LRRC3B: variants seen among roughly 807,000 people sequenced by gnomAD.
The protein encoded by LRRC3B is leucine rich repeat containing 3B.
A neutral mutation model predicts 12.8 loss-of-function variants in LRRC3B; 2 were observed. The observed-to-expected ratio is 0.16, with a 90% CI of 0.06 to 0.49. LRRC3B has a LOEUF of 0.49. LRRC3B is among the 20% of genes least tolerant of loss of function. The pLI is 0.96. For missense variants in LRRC3B, 189 were observed against 319.4 expected (o/e 0.59, Z 3.11); for synonymous variants, 132 against 122.0 (o/e 1.08, Z -0.54).
chr3:26,704,554 T>C (rs192760304), intron 1 of LRRC3B, among the ~76,000 whole-genome samples: 15 of 152,252 alleles, frequency 9.9e-5, no homozygotes, highest in African/African-American at 3.1e-4. Flanking sequence ...TCTTTTCTGC[T>C]TTTTTTCTTC....
At chr3:26,707,090 T>A (rs1331060970) in intron 1 of LRRC3B, among the ~76,000 whole-genome samples, 1 of 151,794 alleles carries the variant, frequency 6.6e-6, no homozygotes, top group East Asian at 1.9e-4. Context: ...CAGTGGCTCA[T>A]ACCTGTAATC....
intron 1 of LRRC3B, among the ~76,000 whole-genome samples, chr3:26,671,413 G>GAGAGAGACAGAGAGAGAGACAC (rs9331540): frequency 1.0e-5 from 1 of 99,410 alleles, no homozygotes; most frequent in Non-Finnish European, 1.9e-5. Flanking sequence ...GAGAGAGAGA[G>GAGAGAGACAGAGAGAGAGACAC]ACGAAGTCTT....
intron 1 of LRRC3B, among the ~76,000 whole-genome samples, chr3:26,701,902 C>T (rs928800256): frequency 1.3e-5 from 2 of 152,158 alleles, no homozygotes; most frequent in Non-Finnish European, 2.9e-5. Flanking sequence ...AACTTTTTAA[C>T]TCTACATTCA....
chr3:26,671,474 C>T (rs1699747113), intron 1 of LRRC3B, among the ~76,000 whole-genome samples: 1 of 147,866 alleles, frequency 6.8e-6, no homozygotes, highest in South Asian at 2.2e-4. Flanking sequence ...TCACTGCAAC[C>T]TCTGCCTCCC....
chr3:26,635,810 G>A (rs1460687918), intron 1 of LRRC3B, among the ~76,000 whole-genome samples: 1 of 152,178 alleles, frequency 6.6e-6, no homozygotes, highest in African/African-American at 2.4e-5. Flanking sequence ...TTGGCACTCA[G>A]TAACTGTCTG....
intron 1 of LRRC3B, among the ~76,000 whole-genome samples, chr3:26,631,278 T>C (rs75937506): frequency 0.029 from 4,414 of 152,308 alleles, 126 homozygotes; most frequent in East Asian, 0.13. Context: ...CAATATCACC[T>C]GAAATGAGGG....
chr3:26,636,912 TTC>T lies in LRRC3B; in HGVS notation c.-161+13681_-161+13682del, dbSNP rs1370380419. Reference sequence around the variant, plus strand: ...TTTCTCTCTCTCTCTCTTTCTCTCTTTCTCTCTTTCTTTCTTTCTTTCTTTCT... The same window carrying T: ...TTTCTCTCTCTCTCTCTTTCTCTCTTTCTCTTTCTTTCTTTCTTTCTTTCT... On this transcript the variant is annotated intron_variant, in intron 1 of 1. Coordinates refer to ENST00000396641, the Ensembl canonical transcript of LRRC3B. 3.7e-4 allele frequency among the ~76,000 whole-genome samples: 37 copies of T among 98,900 alleles called. 1 individual carries two copies. Among genetic ancestry groups the T allele is most frequent in the South Asian group, 8.3e-4 (2 of 2,404 alleles). 64.9% of individuals were successfully genotyped at this position (98,900 alleles called of 152,430 possible). A position where few individuals can be genotyped will look rare whatever the true frequency, so the allele number is the denominator to read the frequency against.
At chr3:26,633,241 C>A (rs1018849253) in intron 1 of LRRC3B, among the ~76,000 whole-genome samples, 1 of 152,112 alleles carries the variant, frequency 6.6e-6, no homozygotes, top group East Asian at 1.9e-4. Flanking sequence ...CCAAAGGTAG[C>A]CCGACTAAGT....
chr3:26,688,022 C>T (rs994709467), intron 1 of LRRC3B, among the ~76,000 whole-genome samples: 74 of 152,194 alleles, frequency 4.9e-4, no homozygotes, highest in Admixed American at 4.8e-3. Context: ...CTCATTGAAG[C>T]TTCCATCTTG....
chr3:26,674,772 T>G (rs1449798046), intron 1 of LRRC3B, among the ~76,000 whole-genome samples: 2 of 152,146 alleles, frequency 1.3e-5, no homozygotes, highest in Non-Finnish European at 2.9e-5. Flanking sequence ...ATCCTTGCTC[T>G]CTCCTAATTT....
intron 1 of LRRC3B, among the ~76,000 whole-genome samples, chr3:26,643,330 C>G (rs1249956800): frequency 6.6e-6 from 1 of 151,252 alleles, no homozygotes; most frequent in Non-Finnish European, 1.5e-5. Flanking sequence ...ATATATAAAA[C>G]CATATACACT....
At chr3:26,652,463 GTAAC>G (rs1353833784) in intron 1 of LRRC3B, among the ~76,000 whole-genome samples, 1 of 152,200 alleles carries the variant, frequency 6.6e-6, no homozygotes, top group African/African-American at 2.4e-5. Context: ...GAAGAGCTGG[GTAAC>G]TAAATGCAAG....
At chr3:26,702,489 A>C (rs1008690973) in intron 1 of LRRC3B, among the ~76,000 whole-genome samples, 1 of 151,246 alleles carries the variant, frequency 6.6e-6, no homozygotes, top group Non-Finnish European at 1.5e-5. Flanking sequence ...TTGGTTTCTG[A>C]TAAATCTCAT....
intron 1 of LRRC3B, among the ~76,000 whole-genome samples, chr3:26,645,543 T>C (rs1699124478): frequency 6.6e-6 from 1 of 152,034 alleles, no homozygotes; most frequent in African/African-American, 2.4e-5. Flanking sequence ...TATGTGCATA[T>C]ATCTATATCT....
intron 1 of LRRC3B, among the ~76,000 whole-genome samples, chr3:26,671,558 AT>A: frequency 6.7e-6 from 1 of 149,076 alleles, no homozygotes; most frequent in African/African-American, 2.5e-5. Flanking sequence ...AGCCCAGCTA[AT>A]TTTTTTGTAT....
At chr3:26,692,352 G>A (rs1415250384) in intron 1 of LRRC3B, among the ~76,000 whole-genome samples, 3 of 152,158 alleles carry the variant, frequency 2.0e-5, no homozygotes, top group African/African-American at 4.8e-5. Context: ...TTCCACACCA[G>A]GAACTGTGCT....
intron 1 of LRRC3B, among the ~76,000 whole-genome samples, chr3:26,676,836 C>A (rs1249840023): frequency 2.6e-5 from 4 of 152,192 alleles, no homozygotes; most frequent in Non-Finnish European, 4.4e-5. Context: ...TTGGAACCAA[C>A]CCAAATGTCA....
intron 1 of LRRC3B, among the ~76,000 whole-genome samples, chr3:26,708,419 G>C (rs1559376076): frequency 6.6e-6 from 1 of 152,122 alleles, no homozygotes; most frequent in East Asian, 1.9e-4. Context: ...GAGAGTGTGT[G>C]GATAGTGGAA....
chr3:26,709,637 T>G lies in LRRC3B; in HGVS notation c.-36T>G. 4 of 1,595,830 alleles carry G rather than the reference T, an allele frequency of 2.5e-6. No individual in the cohort carries two copies. The highest frequency in any genetic ancestry group is 1.7e-5 in the Admixed American group (1 of 59,104). On this transcript the variant is annotated 5_prime_UTR_variant, in exon 2 of 2. The change abolishes an upstream ATG in the 5' untranslated region. Transcript: ENST00000396641. The stretch of plus-strand genomic sequence containing the variant: ...CCTTTACCACGCTTGTTGGAGTAGA[T>G]GAGGAATGGGCTCGTGATTATGCTG...
Sources: gnomAD v4.1 joint callset for allele counts (sites outside exome capture counted in the v4.1 genomes callset) on GRCh38, gnomAD v4.1.1 for gene constraint, MANE v1.5 for transcripts, NCBI Gene and HGNC (gene_info 2026-07-23, HGNC 2026-07-21) for gene names.